STARD8: variants seen among roughly 807,000 people sequenced by gnomAD.
STARD8 encodes stAR-related lipid transfer protein 8.
A neutral mutation model predicts 69.4 loss-of-function variants in STARD8; 25 were observed. That is an observed-to-expected ratio of 0.36 (90% CI 0.26 to 0.50). The LOEUF (loss-of-function observed/expected upper bound fraction) is 0.50. STARD8 is among the 20% of genes least tolerant of loss of function. The pLI is 0.96. For missense variants in STARD8, 921 were observed against 932.5 expected, an observed-to-expected ratio of 0.99 and a Z score of 0.16; for synonymous variants, 389 against 374.6, an observed-to-expected ratio of 1.04 and a Z score of -0.45.
At chrX:68,647,950 C>A in intron 1 of STARD8, 23 bp downstream of exon 1, 1 of 1,192,418 alleles carries the variant, frequency 8.4e-7, no homozygotes, top group Non-Finnish European at 1.1e-6. Context: ...CCAGCCCCAG[C>A]CCATCCCGCT....
intron 2 of STARD8, among the ~76,000 whole-genome samples, chrX:68,709,189 G>A (rs2147923492): frequency 8.9e-6 from 1 of 112,417 alleles, no homozygotes. Flanking sequence ...TTCCTGTTAA[G>A]GAGGGCTGGT....
At chrX:68,653,426 CCACACACCA>C (rs1332261989) in intron 1 of STARD8, among the ~76,000 whole-genome samples, 1 of 45,685 alleles carries the variant, frequency 2.2e-5, no homozygotes, top group African/African-American at 8.7e-5. Flanking sequence ...ACCACACACA[CCACACACCA>C]CACATACACC....
In STARD8 at chrX:68,721,489, G is replaced by A. The variant is rs769185809; in HGVS notation, c.2249-47G>A. On this transcript the variant is annotated intron_variant, in intron 9 of 14. Coordinates refer to ENST00000374599, the MANE Select transcript of STARD8 (RefSeq NM_001142503.3). ...TGGAAACAGGAGGCTGGCTGCTAAG[G>A]CCTCTGGGGAAGTAAGGAAGGCTCT... 2.5e-6 allele frequency: 3 copies of A among 1,179,816 alleles called. No individual in the cohort carries two copies. In the African/African-American group the frequency reaches 5.3e-5, roughly 21 times the overall value.
chrX:68,650,782 C>CAAACAAAACTAAACA (rs2079543320), intron 1 of STARD8, among the ~76,000 whole-genome samples: 1 of 88,698 alleles, frequency 1.1e-5, no homozygotes, highest in African/African-American at 4.0e-5. Context: ...GGCTATGTCT[C>CAAACAAAACTAAACA]AAACAAAACA....
chrX:68,696,310 G>A (rs1389490716), intron 2 of STARD8, among the ~76,000 whole-genome samples: 2 of 112,030 alleles, frequency 1.8e-5, no homozygotes, highest in Middle Eastern at 8.4e-3. Flanking sequence ...CTGGTGTCAG[G>A]TGTTTATTAA....
Position 68,715,435 on chromosome X carries a change from G to A in STARD8, c.233+60G>A. 3.0e-6 allele frequency: 3 copies of A among 1,004,228 alleles called. No individual in the cohort carries two copies. In the South Asian group the frequency reaches 6.7e-5, roughly 22 times the overall value. 82.8% of individuals were successfully genotyped at this position (1,004,228 alleles called of 1,213,427 possible). A position where few individuals can be genotyped will look rare whatever the true frequency, so the allele number is the denominator to read the frequency against. On this transcript the variant is annotated intron_variant, in intron 4 of 14. Coordinates refer to ENST00000374599, the MANE Select transcript of STARD8 (RefSeq NM_001142503.3). ...AGGCCTGGCTTGAAGCTTCCTCGTGGAAAAAAACATCCCTTGTACCCTCTA... is the reference window on the plus strand; with the variant it reads ...AGGCCTGGCTTGAAGCTTCCTCGTGAAAAAAAACATCCCTTGTACCCTCTA...
At chrX:68,688,506 G>A (rs1480631492) in intron 2 of STARD8, among the ~76,000 whole-genome samples, 1 of 101,284 alleles carries the variant, frequency 9.9e-6, no homozygotes, top group Non-Finnish European at 2.0e-5. Context: ...GATGGAACCT[G>A]TGAATGGGAA....
In STARD8 at chrX:68,718,573, A is replaced by C. The variant is rs186109694; in HGVS notation, c.1659A>C (p.Ser553=). ...GGCCCCTGGCTGGACTCCAGGCATC[A>C]ATGCCCCGTGAACGGCGCGATTCAG... is the stretch of plus-strand genomic sequence containing the variant. The part of the protein sequence containing the change: ...AAGPLAGLQA[S]MPRERRDSGV... The change falls in exon 6 of 15, where the codon TCA becomes TCC. Residue 553 remains serine (S), a synonymous_variant. Coordinates refer to ENST00000374599, the MANE Select transcript of STARD8 (RefSeq NM_001142503.3). 575 of 1,209,907 alleles carry C rather than the reference A, an allele frequency of 4.8e-4. 7 individuals carry two copies. In the East Asian group the frequency reaches 0.014, roughly 29 times the overall value.
At position 68,713,088 on chromosome X, in the gene STARD8, A is replaced by G; in HGVS notation, c.151+103A>G. ...ATTCTCTTTCCAACTACACACAAGC[A>G]GTGTCTCCTGGCCCTGCTCCGATTT... On this transcript the variant is annotated intron_variant, in intron 3 of 14. Transcript: ENST00000374599. 4 of 863,785 alleles carry G rather than the reference A, an allele frequency of 4.6e-6. No homozygotes were observed. In the East Asian group the frequency reaches 1.0e-4, roughly 22 times the overall value. The allele number at this position is 863,785 out of a possible 1,213,427, so 71.2% of individuals were successfully genotyped here.
intron 2 of STARD8, among the ~76,000 whole-genome samples, chrX:68,691,870 T>C (rs1335301263): frequency 1.8e-5 from 2 of 112,510 alleles, no homozygotes; most frequent in African/African-American, 6.5e-5. Flanking sequence ...AGTCATATGA[T>C]TGTCATTTAT....
At chrX:68,674,290 T>A (rs2079749825) in intron 2 of STARD8, among the ~76,000 whole-genome samples, 1 of 75,071 alleles carries the variant, frequency 1.3e-5, no homozygotes, top group Non-Finnish European at 2.3e-5. Context: ...CAAAACTCCG[T>A]CTCAAAAAAA....
At chrX:68,713,981 TC>T (rs1398228965) in intron 3 of STARD8, among the ~76,000 whole-genome samples, 2 of 111,852 alleles carry the variant, frequency 1.8e-5, no homozygotes, top group Non-Finnish European at 3.8e-5. Context: ...TCCTCCTTGT[TC>T]CCATCTCCTA....
At chrX:68,652,872 C>CA (rs777903190) in intron 1 of STARD8, among the ~76,000 whole-genome samples, 1 of 27,230 alleles carries the variant, frequency 3.7e-5, no homozygotes, top group South Asian at 4.3e-3. Context: ...CACACACACA[C>CA]CCACACCCCA....
intron 2 of STARD8, among the ~76,000 whole-genome samples, chrX:68,701,680 G>C (rs779769799): frequency 8.9e-6 from 1 of 111,933 alleles, no homozygotes; most frequent in East Asian, 2.8e-4. Flanking sequence ...GGGGGTGGCA[G>C]TGTGGGCAGT....
chrX:68,679,830 T>C (rs761736200), intron 2 of STARD8, among the ~76,000 whole-genome samples: 1 of 111,942 alleles, frequency 8.9e-6, no homozygotes, highest in South Asian at 3.8e-4. Flanking sequence ...CCGATTGGGC[T>C]CCTGGCCTGA....
chrX:68,718,749 A>G (rs2080121141), intron 6 of STARD8, 120 bp downstream of exon 6: 1 of 1,077,485 alleles, frequency 9.3e-7, no homozygotes, highest in Admixed American at 3.9e-5. Flanking sequence ...TTATCCCCTC[A>G]CAGCCAGCTC....
chrX:68,661,955 T>TTC (rs2079649289), intron 1 of STARD8, among the ~76,000 whole-genome samples: 1 of 74,559 alleles, frequency 1.3e-5, no homozygotes, highest in African/African-American at 8.5e-5. Flanking sequence ...CCTCTCTCTC[T>TTC]CTCTCTCTCT....
At chrX:68,694,534 G>A (rs1006957618) in intron 2 of STARD8, among the ~76,000 whole-genome samples, 1 of 111,680 alleles carries the variant, frequency 9.0e-6, no homozygotes, top group Non-Finnish European at 1.9e-5. Flanking sequence ...GTTGCGCGCT[G>A]AATTACGACT....
At chrX:68,689,799 G>C (rs1271300889) in intron 2 of STARD8, among the ~76,000 whole-genome samples, 1 of 111,025 alleles carries the variant, frequency 9.0e-6, no homozygotes, top group African/African-American at 3.3e-5. Context: ...TGGGCTGAGA[G>C]GGGGTGCTCC....
Sources: allele counts gnomAD v4.1 joint callset (sites outside exome capture counted in the v4.1 genomes callset), GRCh38; gene constraint gnomAD v4.1.1; transcripts MANE v1.5; gene names NCBI Gene and HGNC (gene_info 2026-07-23, HGNC 2026-07-21).